The following ANO1 variants were observed in gnomAD, a reference collection of about 807,000 sequenced individuals.
ANO1 encodes the protein anoctamin 1.
In ANO1, 59 loss-of-function variants were observed where a neutral mutation model predicts 124.0. The ratio of observed to expected loss-of-function variants is 0.48; its 90% CI spans 0.39 to 0.59. The LOEUF (loss-of-function observed/expected upper bound fraction) is 0.59. ANO1 is among the 20% of genes least tolerant of loss of function. ANO1 has a pLI of 0.00. For missense variants in ANO1, 1,059 were observed against 1,328.0 expected, an observed-to-expected ratio of 0.80 and a Z score of 3.15; for synonymous variants, 529 against 532.0, an observed-to-expected ratio of 0.99 and a Z score of 0.08.
intron 1 of ANO1, among the ~76,000 whole-genome samples, chr11:70,045,041 A>T (rs924856671): frequency 1.3e-4 from 20 of 152,226 alleles, no homozygotes; most frequent in African/African-American, 4.8e-4. Context: ...ATAGATATAT[A>T]CAAATATAAA....
chr11:70,120,313 G>C (rs762234004), intron 8 of ANO1, among the ~76,000 whole-genome samples: 12 of 152,110 alleles, frequency 7.9e-5, no homozygotes, highest in Non-Finnish European at 1.6e-4. Context: ...CAGGACCGTG[G>C]GTGAGTTCAC....
intron 1 of ANO1, chr11:70,015,841 G>A (rs1243880448): frequency 1.3e-5 from 2 of 152,140 alleles, no homozygotes; most frequent in Non-Finnish European, 2.9e-5. Flanking sequence ...TGCTGGGCAG[G>A]GTCCACGCGA....
chr11:70,154,055 C>T (rs534249065), intron 14 of ANO1, among the ~76,000 whole-genome samples: 55 of 152,138 alleles, frequency 3.6e-4, no homozygotes, highest in African/African-American at 1.3e-3. Flanking sequence ...TGTGAGCCAC[C>T]GTGCCCAGCA....
At chr11:70,125,071 G>A (rs558226137) in intron 9 of ANO1, among the ~76,000 whole-genome samples, 37 of 152,320 alleles carry the variant, frequency 2.4e-4, no homozygotes, top group African/African-American at 7.5e-4. Context: ...GACCGGGCGC[G>A]GTGGCTCACG....
chr11:70,130,864 CAGAGA>C (rs2046728597), intron 10 of ANO1, among the ~76,000 whole-genome samples: 1 of 152,224 alleles, frequency 6.6e-6, no homozygotes, highest in Admixed American at 6.5e-5. Flanking sequence ...CCCGTTCTCC[CAGAGA>C]AGAGTCCTGG....
At chr11:70,006,129 T>A (rs1346684655) in intron 1 of ANO1, among the ~76,000 whole-genome samples, 1 of 152,194 alleles carries the variant, frequency 6.6e-6, no homozygotes, top group Non-Finnish European at 1.5e-5. Flanking sequence ...CCTACCCAGC[T>A]GTCTTATGTG....
At chr11:70,103,489 G>A (rs550631910) in intron 3 of ANO1, among the ~76,000 whole-genome samples, 3 of 152,176 alleles carry the variant, frequency 2.0e-5, no homozygotes, top group Non-Finnish European at 2.9e-5. Flanking sequence ...TTACAGTTCG[G>A]GCCGTGGTGC....
chr11:70,164,832 C>T (rs1425255940), intron 19 of ANO1, among the ~76,000 whole-genome samples: 2 of 152,158 alleles, frequency 1.3e-5, no homozygotes. Flanking sequence ...TGCATGGGAC[C>T]GGCCAGTGGC....
At chr11:70,025,268 A>T (rs868990794) in intron 1 of ANO1, among the ~76,000 whole-genome samples, 16 of 152,324 alleles carry the variant, frequency 1.1e-4, no homozygotes, top group Middle Eastern at 3.4e-3. Context: ...GGTGGTAGTG[A>T]GGGTTAGACA....
intron 1 of ANO1, among the ~76,000 whole-genome samples, chr11:70,024,188 C>CAGGG (rs1220761119): frequency 2.0e-5 from 3 of 152,176 alleles, no homozygotes; most frequent in African/African-American, 7.2e-5. Context: ...GGCACTCCAG[C>CAGGG]AGGGAGCCCA....
At chr11:70,013,429 GAAA>G (rs1227507694) in intron 1 of ANO1, among the ~76,000 whole-genome samples, 5 of 152,086 alleles carry the variant, frequency 3.3e-5, no homozygotes, top group African/African-American at 1.2e-4. Flanking sequence ...CATACATAGA[GAAA>G]AGCACACATG....
Position 70,105,768 on chromosome 11 carries a change from A to C in ANO1, c.727A>C (p.Ser243Arg). 1 of 1,613,672 alleles carries C rather than the reference A, an allele frequency of 6.2e-7. No homozygotes were observed. Among genetic ancestry groups the C allele is most frequent in the South Asian group, 1.1e-5 (1 of 91,072 alleles). Reference protein sequence around the residue: ...DLSDKDSFFDSKTRSTIVYEI... With the variant: ...DLSDKDSFFDRKTRSTIVYEI... Reference sequence around the variant, plus strand: ...GTCTGATAAGGATTCCTTTTTCGACAGCAAAACCCGGAGCACGATTGTAAG... The same window carrying C: ...GTCTGATAAGGATTCCTTTTTCGACCGCAAAACCCGGAGCACGATTGTAAG... The change falls in exon 5 of 26, where the codon AGC becomes CGC. Residue 243 changes from serine (S) to arginine (R), a missense_variant. Physicochemically the swap from Ser to Arg is moderately radical, Grantham distance 110. This residue lies in a region of ANO1 where 809 missense variants were observed against 1,094.9 expected (regional missense o/e 0.74). Transcript: ENST00000355303.
chr11:70,034,291 A>T (rs559658051), intron 1 of ANO1, among the ~76,000 whole-genome samples: 1 of 152,242 alleles, frequency 6.6e-6, no homozygotes, highest in East Asian at 1.9e-4. Flanking sequence ...GGGCAGGCAC[A>T]GTGTCTCAGG....
rs1192273449 is a variant in ANO1, at chr11:70,059,348, C to CAAA, written c.59-19175_59-19173dup. Among the ~76,000 whole-genome samples the CAAA allele has an allele frequency of 4.3e-3, 318 of 74,744 alleles. 17 individuals are homozygous for CAAA. The highest frequency in any genetic ancestry group is 0.012 in the East Asian group (32 of 2,660). 49.0% of individuals were successfully genotyped at this position (74,744 alleles called of 152,430 possible). A position where few individuals can be genotyped will look rare whatever the true frequency, so the allele number is the denominator to read the frequency against. On this transcript the variant is annotated intron_variant, in intron 1 of 27. Transcript: ENST00000531349. ...CCTGGGCGACAGAGCGAGACACTGT[C>CAAA]AAAAAAAAAAAAAAAAAAAAAGCCG...
chr11:70,038,008 C>T (rs1857122460), intron 1 of ANO1, among the ~76,000 whole-genome samples: 3 of 152,180 alleles, frequency 2.0e-5, no homozygotes, highest in Admixed American at 6.5e-5. Context: ...CTGTCGTGGC[C>T]AGTCGCAGTG....
At chr11:70,006,751 C>A (rs1338462003) in intron 1 of ANO1, among the ~76,000 whole-genome samples, 3 of 134,908 alleles carry the variant, frequency 2.2e-5, no homozygotes, top group Admixed American at 8.8e-5. Context: ...CTCACTGCAA[C>A]CTTCACCTCT....
intron 19 of ANO1, chr11:70,163,666 G>A (rs1269399062): frequency 1.7e-6 from 1 of 571,752 alleles, no homozygotes; most frequent in African/African-American, 1.9e-5. Context: ...GACGGGTGCA[G>A]TGGCTCATGC....
In ANO1 at chr11:70,149,874, G is replaced by T. The variant is rs776169818; in HGVS notation, c.1341+82G>T. 4 of 1,494,362 alleles carry T rather than the reference G, an allele frequency of 2.7e-6. No homozygotes were observed. The South Asian group carries it at 3.6e-5, about 13-fold the overall frequency. 92.6% of individuals were successfully genotyped at this position (1,494,362 alleles called of 1,614,324 possible). ...AGGACCTCCTTGGGACTTACACGGA[G>T]GCCCGAGGTCAGAAAGCACTTCTGG... On this transcript the variant is annotated intron_variant, in intron 12 of 25. Coordinates refer to ENST00000355303, the MANE Select transcript of ANO1 (RefSeq NM_018043.7).
At chr11:70,152,535 A>G in intron 13 of ANO1, 74 bp downstream of exon 13, 1 of 1,535,424 alleles carries the variant, frequency 6.5e-7, no homozygotes, top group Non-Finnish European at 9.0e-7. Flanking sequence ...TCTTGCACCT[A>G]ATCTCTTTCT....
Sources: allele counts gnomAD v4.1 joint callset (sites outside exome capture counted in the v4.1 genomes callset), GRCh38; gene constraint gnomAD v4.1.1; regional missense constraint gnomAD v4.1.1; transcripts MANE v1.5; gene names NCBI Gene and HGNC (gene_info 2026-07-23, HGNC 2026-07-21).